SCN8A: variants seen among roughly 807,000 people sequenced by gnomAD.
SCN8A encodes sodium voltage-gated channel alpha subunit 8, also known as sodium channel protein type 8 subunit alpha.
A neutral mutation model predicts 184.1 loss-of-function variants in SCN8A; 30 were observed. That is an observed-to-expected ratio of 0.16 (90% confidence interval 0.12 to 0.22). The LOEUF is 0.22. Among genes scored for constraint, SCN8A ranks in the 10% least tolerant of loss-of-function variants. The probability of loss-of-function intolerance (pLI) is 1.00; values close to 1 mark genes in which losing one functional copy is unlikely to be tolerated. For missense variants in SCN8A, 1,057 were observed against 2,498.9 expected, an observed-to-expected ratio of 0.42 and a Z score of 12.30; for synonymous variants, 852 against 907.0, an observed-to-expected ratio of 0.94 and a Z score of 1.09.
At chr12:51,646,581 T>C (rs1479723572) in intron 1 of SCN8A, among the ~76,000 whole-genome samples, 2 of 152,152 alleles carry the variant, frequency 1.3e-5, no homozygotes, top group African/African-American at 4.8e-5. Context: ...CGAGAAGAAA[T>C]GAAACACTTT....
intron 2 of SCN8A, among the ~76,000 whole-genome samples, chr12:51,672,256 T>C (rs186741931): frequency 3.3e-5 from 5 of 152,224 alleles, no homozygotes; most frequent in African/African-American, 1.2e-4. Flanking sequence ...TACCCACTCC[T>C]CCATCCTTGA....
intron 1 of SCN8A, among the ~76,000 whole-genome samples, chr12:51,615,201 A>G (rs758641501): frequency 2.6e-5 from 4 of 152,104 alleles, no homozygotes; most frequent in Non-Finnish European, 5.9e-5. Context: ...ATTACAATGT[A>G]CATACTTAAG....
At chr12:51,701,739 G>C (rs1422977839) in intron 8 of SCN8A, among the ~76,000 whole-genome samples, 1 of 152,040 alleles carries the variant, frequency 6.6e-6, no homozygotes, top group Non-Finnish European at 1.5e-5. Flanking sequence ...TTGCTCACAG[G>C]GTTACTGTAA....
At chr12:51,627,562 C>T (rs1312709533) in intron 1 of SCN8A, among the ~76,000 whole-genome samples, 1 of 151,956 alleles carries the variant, frequency 6.6e-6, no homozygotes, top group Non-Finnish European at 1.5e-5. Context: ...TTGTATTTTT[C>T]GTAGAGACAG....
intron 26 of SCN8A, among the ~76,000 whole-genome samples, chr12:51,803,181 C>T (rs1938603159): frequency 6.6e-6 from 1 of 152,130 alleles, no homozygotes; most frequent in Admixed American, 6.5e-5. Flanking sequence ...TGGCCAAAGG[C>T]CCGAGAGCCC....
At chr12:51,746,157 A>G (rs1316940728) in intron 13 of SCN8A, 122 bp downstream of exon 13, 3 of 868,044 alleles carry the variant, frequency 3.5e-6, no homozygotes, top group African/African-American at 3.4e-5. Context: ...TAGGAATGGA[A>G]CGTATTCCTA....
intron 1 of SCN8A, among the ~76,000 whole-genome samples, chr12:51,640,070 A>G (rs1940413420): frequency 7.0e-6 from 1 of 143,438 alleles, no homozygotes; most frequent in Non-Finnish European, 1.5e-5. Flanking sequence ...CACTCTGCTA[A>G]TTTTTTTTAA....
intron 26 of SCN8A, among the ~76,000 whole-genome samples, chr12:51,805,725 T>G (rs1938680381): frequency 6.6e-6 from 1 of 152,058 alleles, no homozygotes; most frequent in Non-Finnish European, 1.5e-5. Flanking sequence ...AGACCCCATC[T>G]CAAAACAAAA....
intron 1 of SCN8A, among the ~76,000 whole-genome samples, chr12:51,655,399 G>GTTTCTTT (rs1384007452): frequency 6.7e-6 from 1 of 148,438 alleles, no homozygotes; most frequent in Non-Finnish European, 1.5e-5. Context: ...TTAGAGACAG[G>GTTTCTTT]TTTAGACACA....
At chr12:51,668,183 CAAA>C (rs10535000) in intron 2 of SCN8A, among the ~76,000 whole-genome samples, 2,854 of 140,416 alleles carry the variant, frequency 0.02, 87 homozygotes, top group African/African-American at 0.066. Flanking sequence ...AACTCCATCT[CAAA>C]AAAAAAAAAA....
At chr12:51,664,373 AATTTTT>A (rs1940989357) in intron 2 of SCN8A, among the ~76,000 whole-genome samples, 1 of 127,776 alleles carries the variant, frequency 7.8e-6, no homozygotes, top group African/African-American at 2.9e-5. Context: ...ACACTCAGCT[AATTTTT>A]GTATTTTTAG....
At chr12:51,630,759 A>C (rs1940180230) in intron 1 of SCN8A, among the ~76,000 whole-genome samples, 1 of 152,022 alleles carries the variant, frequency 6.6e-6, no homozygotes, top group Admixed American at 6.5e-5. Context: ...TCCTAGTATA[A>C]GTAATCAAAC....
chr12:51,683,560 C>A (rs951607224), intron 2 of SCN8A, among the ~76,000 whole-genome samples: 1 of 152,182 alleles, frequency 6.6e-6, no homozygotes, highest in Non-Finnish European at 1.5e-5. Context: ...ATAGGCTTAT[C>A]CTGACCACCT....
intron 19 of SCN8A, among the ~76,000 whole-genome samples, chr12:51,772,913 G>C (rs1942950737): frequency 6.6e-6 from 1 of 151,972 alleles, no homozygotes; most frequent in Admixed American, 6.5e-5. Flanking sequence ...TCAGGAGATT[G>C]AGACCATCCC....
At chr12:51,592,459 C>G (rs1939249709) in intron 1 of SCN8A, among the ~76,000 whole-genome samples, 2 of 152,154 alleles carry the variant, frequency 1.3e-5, no homozygotes. Flanking sequence ...CCTATGCCCT[C>G]TTCCTCACTT....
At chr12:51,629,904 A>C (rs986208051) in intron 1 of SCN8A, among the ~76,000 whole-genome samples, 7 of 152,246 alleles carry the variant, frequency 4.6e-5, no homozygotes, top group Admixed American at 3.3e-4. Flanking sequence ...CATGCAGAGC[A>C]CTGAGGTTCT....
At chr12:51,785,239 T>G (rs1934190876) in intron 21 of SCN8A, among the ~76,000 whole-genome samples, 1 of 152,122 alleles carries the variant, frequency 6.6e-6, no homozygotes. Context: ...CCAAAAAAAG[T>G]GAAGATTTTC....
chr12:51,726,246 G>C (rs1247966419), intron 12 of SCN8A, among the ~76,000 whole-genome samples: 1 of 152,204 alleles, frequency 6.6e-6, no homozygotes, highest in Non-Finnish European at 1.5e-5. Context: ...TGGGAAAGTA[G>C]GTGAGAATCA....
intron 12 of SCN8A, among the ~76,000 whole-genome samples, chr12:51,733,033 G>A (rs539737701): frequency 6.6e-6 from 1 of 152,056 alleles, no homozygotes; most frequent in Non-Finnish European, 1.5e-5. Flanking sequence ...TTTCCGATTT[G>A]TGTGCCCTTT....
Sources: allele counts gnomAD v4.1 joint callset (sites outside exome capture counted in the v4.1 genomes callset), GRCh38; gene constraint gnomAD v4.1.1; transcripts MANE v1.5; gene names NCBI Gene and HGNC (gene_info 2026-07-23, HGNC 2026-07-21).